The following CERS6 variants were observed in gnomAD, a reference collection of about 807,000 sequenced individuals.
CERS6 encodes the protein LAG1 homolog, ceramide synthase 6.
CERS6 carries 26 observed loss-of-function variants against 56.8 expected under a neutral mutation model. That is an observed-to-expected ratio of 0.46 (90% CI 0.34 to 0.63). The LOEUF is 0.63. CERS6 is among the 30% of genes least tolerant of loss of function. The pLI is 0.01. For missense variants in CERS6, 415 were observed against 467.5 expected (o/e 0.89, Z 1.04); for synonymous variants, 164 against 173.3 (o/e 0.95, Z 0.42).
chr2:168,765,012 G>A (rs771494433), intron 8 of CERS6, among the ~76,000 whole-genome samples: 27 of 152,162 alleles, frequency 1.8e-4, no homozygotes, highest in Admixed American at 1.3e-3. Context: ...TGACTTATAC[G>A]TATTATAATT....
At chr2:168,470,287 A>G (rs367687758) in intron 1 of CERS6, among the ~76,000 whole-genome samples, 2 of 151,118 alleles carry the variant, frequency 1.3e-5, no homozygotes, top group Admixed American at 6.6e-5. Flanking sequence ...AGAGGCTGAG[A>G]TGGGAGGATC....
intron 1 of CERS6, among the ~76,000 whole-genome samples, chr2:168,535,809 T>G (rs757108035): frequency 1.3e-5 from 2 of 151,014 alleles, no homozygotes; most frequent in Non-Finnish European, 2.9e-5. Context: ...TTTATTGGTA[T>G]TCTTATTTTT....
intron 1 of CERS6, among the ~76,000 whole-genome samples, chr2:168,531,714 G>A (rs574113063): frequency 3.9e-5 from 6 of 152,002 alleles, no homozygotes; most frequent in East Asian, 1.9e-4. Context: ...CCAGTTACTC[G>A]GGAGGCTAAG....
At chr2:168,520,798 AG>A (rs1208733809) in intron 1 of CERS6, among the ~76,000 whole-genome samples, 1 of 151,182 alleles carries the variant, frequency 6.6e-6, no homozygotes, top group Non-Finnish European at 1.5e-5. Flanking sequence ...TTAATAGAGA[AG>A]GGGTTTCACC....
chr2:168,626,895 C>T (rs1684603576), intron 3 of CERS6, among the ~76,000 whole-genome samples: 1 of 152,206 alleles, frequency 6.6e-6, no homozygotes, highest in African/African-American at 2.4e-5. Context: ...CATTCCTCCC[C>T]TCCTGCAGCT....
intron 4 of CERS6, among the ~76,000 whole-genome samples, chr2:168,690,094 A>G (rs1213725678): frequency 6.6e-6 from 1 of 152,196 alleles, no homozygotes. Context: ...AAAAGTATAT[A>G]GGACATAAGG....
At chr2:168,647,651 T>A (rs1227045150) in intron 4 of CERS6, among the ~76,000 whole-genome samples, 1 of 152,214 alleles carries the variant, frequency 6.6e-6, no homozygotes, top group Non-Finnish European at 1.5e-5. Context: ...TGTGGGTTTG[T>A]CATAGATGGC....
chr2:168,490,656 T>G (rs1478044228), intron 1 of CERS6, among the ~76,000 whole-genome samples: 1 of 152,158 alleles, frequency 6.6e-6, no homozygotes, highest in Non-Finnish European at 1.5e-5. Flanking sequence ...TACTTCCCTT[T>G]GTTGCTCATC....
At chr2:168,550,538 A>G (rs752452337) in intron 2 of CERS6, among the ~76,000 whole-genome samples, 10 of 152,102 alleles carry the variant, frequency 6.6e-5, no homozygotes, top group Non-Finnish European at 2.9e-5. Context: ...AGACTCTTGG[A>G]GAAAGTGCAG....
chr2:168,465,255 T>C (rs1693850544), intron 1 of CERS6, among the ~76,000 whole-genome samples: 1 of 152,240 alleles, frequency 6.6e-6, no homozygotes, highest in African/African-American at 2.4e-5. Flanking sequence ...GCTCACAGTT[T>C]TGGAGGCTGG....
intron 3 of CERS6, among the ~76,000 whole-genome samples, chr2:168,565,755 A>G (rs543189497): frequency 3.2e-4 from 49 of 152,314 alleles, no homozygotes; most frequent in Admixed American, 9.8e-4. Flanking sequence ...GCTTGAAGTC[A>G]GTCATTCACA....
chr2:168,709,296 T>C (rs1490622799), intron 6 of CERS6, among the ~76,000 whole-genome samples: 1 of 152,074 alleles, frequency 6.6e-6, no homozygotes. Flanking sequence ...TATTTGAAAA[T>C]GTAATAAGGA....
At chr2:168,592,090 T>C (rs1401786330) in intron 3 of CERS6, among the ~76,000 whole-genome samples, 1 of 152,114 alleles carries the variant, frequency 6.6e-6, no homozygotes, top group African/African-American at 2.4e-5. Flanking sequence ...GGAGGGGGGA[T>C]GAGAATAAAA....
chr2:168,553,405 T>A (rs1695613165), intron 2 of CERS6, among the ~76,000 whole-genome samples: 1 of 152,166 alleles, frequency 6.6e-6, no homozygotes, highest in Admixed American at 6.5e-5. Context: ...AGTTCAACAC[T>A]AAAACTTAAC....
intron 6 of CERS6, among the ~76,000 whole-genome samples, chr2:168,696,202 A>G (rs560308906): frequency 6.6e-6 from 1 of 152,324 alleles, no homozygotes; most frequent in Admixed American, 6.5e-5. Context: ...TTTATGAATG[A>G]TGAAACTAAG....
intron 6 of CERS6, among the ~76,000 whole-genome samples, chr2:168,695,781 A>C (rs953333429): frequency 2.6e-5 from 4 of 152,136 alleles, no homozygotes; most frequent in African/African-American, 9.7e-5. Context: ...ATACTTCCTG[A>C]CACTTCCAAC....
intron 3 of CERS6, among the ~76,000 whole-genome samples, chr2:168,600,223 T>TA (rs1683901669): frequency 1.3e-5 from 2 of 151,430 alleles, no homozygotes; most frequent in African/African-American, 4.9e-5. Flanking sequence ...TTTTTTTTTT[T>TA]AATCGGAGTC....
chr2:168,530,360 T>C (rs13398999), intron 1 of CERS6, among the ~76,000 whole-genome samples: 26,808 of 152,144 alleles, frequency 0.18, 2,732 homozygotes, highest in Middle Eastern at 0.23. Context: ...CATTACAGAT[T>C]CCCAAAAGAT....
intron 1 of CERS6, among the ~76,000 whole-genome samples, chr2:168,483,222 T>C (rs2105334070): frequency 6.6e-6 from 1 of 152,352 alleles, no homozygotes; most frequent in East Asian, 1.9e-4. Flanking sequence ...TTACTTCTTT[T>C]TTTATAGATG....
Sources: allele counts gnomAD v4.1 joint callset (sites outside exome capture counted in the v4.1 genomes callset), GRCh38; gene constraint gnomAD v4.1.1; transcripts MANE v1.5; gene names NCBI Gene and HGNC (gene_info 2026-07-23, HGNC 2026-07-21).